The following CERKL variants were observed in gnomAD, a reference collection of about 807,000 sequenced individuals.
CERKL encodes the protein CERK like autophagy regulator.
A neutral mutation model predicts 63.4 loss-of-function variants in CERKL; 61 were observed. The ratio of observed to expected loss-of-function variants is 0.96; its 90% confidence interval spans 0.78 to 1.19. The LOEUF (loss-of-function observed/expected upper bound fraction) is 1.19, where lower values mean the gene tolerates loss of function less well. Among genes scored for constraint, CERKL ranks in the 50% most tolerant of loss-of-function variants. CERKL has a pLI of 0.00. For missense variants in CERKL, 675 were observed against 655.5 expected (o/e 1.03, Z -0.33); for synonymous variants, 250 against 230.5 (o/e 1.08, Z -0.77).
rs1290706382 is a variant in CERKL at position 181,538,079 on chromosome 2, A to G, written c.*105T>C. 7.8e-6 allele frequency: 6 copies of G among 768,424 alleles called. No homozygotes were observed. The highest frequency in any genetic ancestry group is 1.4e-5 in the South Asian group (1 of 69,442). 47.6% of individuals were successfully genotyped at this position (768,424 alleles called of 1,614,324 possible). ...CCCATCCACGGAAAAATTGTCTTCCATGAAACTGGTCCCAAAAAGGGTGGG... is the reference window on the plus strand; with the variant it reads ...CCCATCCACGGAAAAATTGTCTTCCGTGAAACTGGTCCCAAAAAGGGTGGG... On this transcript the variant is annotated 3_prime_UTR_variant, in exon 13 of 13. Transcript: ENST00000410087.
intron 1 of CERKL, among the ~76,000 whole-genome samples, chr2:181,625,482 A>G (rs1686652383): frequency 2.0e-5 from 3 of 152,200 alleles, no homozygotes; most frequent in Admixed American, 2.0e-4. Context: ...GTAGAAGACA[A>G]ATGGTATGCC....
At chr2:181,613,192 A>G (rs759404473) in intron 1 of CERKL, among the ~76,000 whole-genome samples, 8 of 152,180 alleles carry the variant, frequency 5.3e-5, no homozygotes, top group Non-Finnish European at 8.8e-5. Flanking sequence ...GACAACCGCA[A>G]TTGTACTCTC....
At chr2:181,566,616 A>T (rs1295866871) in intron 3 of CERKL, among the ~76,000 whole-genome samples, 1 of 152,180 alleles carries the variant, frequency 6.6e-6, no homozygotes. Context: ...GAAGAGTTGG[A>T]TGTGAAAATA....
rs1303822098 is a variant in CERKL at position 181,565,930 on chromosome 2, C to T, written c.677+128G>A. The T allele has an allele frequency of 1.9e-5, 13 of 671,298 alleles. 1 individual carries two copies. In the South Asian group the frequency reaches 2.4e-4, roughly 12 times the overall value. The allele number at this position is 671,298 out of a possible 1,614,324, so 41.6% of individuals were successfully genotyped here. On this transcript the variant is annotated intron_variant, in intron 4 of 12. Coordinates refer to ENST00000410087, the MANE Select transcript of CERKL (RefSeq NM_201548.5). ...TTAATTATTATTACATAGATATGAA[C>T]AAGATAGAGCCAAAGTACATACACT...
intron 5 of CERKL, among the ~76,000 whole-genome samples, chr2:181,554,164 C>CAA (rs36086391): frequency 7.9e-4 from 74 of 94,168 alleles, no homozygotes; most frequent in South Asian, 1.1e-3. Context: ...ACTATGGAGG[C>CAA]AAAAAAAAAA....
rs1039793113 is a variant in CERKL, at chr2:181,544,651, T to C, written c.1365+49A>G. The C allele has an allele frequency of 7.4e-6, 8 of 1,086,782 alleles. No homozygotes were observed. The African/African-American group carries it at 1.3e-4, about 17-fold the overall frequency. 67.3% of individuals were successfully genotyped at this position (1,086,782 alleles called of 1,614,324 possible). On this transcript the variant is annotated intron_variant, in intron 11 of 12. Transcript: ENST00000410087. ...TGTCAATTCTTGCAGCATCTTTTTC[T>C]ACATGATTAATAGCTTTGCAAATAA...
intron 1 of CERKL, among the ~76,000 whole-genome samples, chr2:181,623,393 C>T (rs1021877337): frequency 4.6e-5 from 7 of 152,174 alleles, no homozygotes; most frequent in Admixed American, 3.3e-4. Flanking sequence ...GCACATGACT[C>T]ATCCATTAAG....
At position 181,608,369 on chromosome 2, in the gene CERKL, C is replaced by G. The variant is rs575619688; in HGVS notation, c.239-4290G>C. Among the ~76,000 whole-genome samples the G allele has an allele frequency of 2.9e-5, 4 of 136,802 alleles. No individual in the cohort carries two copies. The South Asian group carries it at 8.8e-4, about 30-fold the overall frequency. The allele number at this position is 136,802 out of a possible 152,430, so 89.7% of individuals were successfully genotyped here. ...TGTATCACATATAAATTGAGAGTCT[C>G]TTTTTATGTAGTCAAACCTAGAACA... On this transcript the variant is annotated intron_variant, in intron 1 of 12. Coordinates refer to ENST00000410087, the MANE Select transcript of CERKL (RefSeq NM_201548.5).
At chr2:181,608,907 C>T (rs1338578597) in intron 1 of CERKL, among the ~76,000 whole-genome samples, 1 of 151,954 alleles carries the variant, frequency 6.6e-6, no homozygotes, top group Non-Finnish European at 1.5e-5. Context: ...TATGTCTACA[C>T]CCAAGAAGAA....
intron 1 of CERKL, among the ~76,000 whole-genome samples, chr2:181,616,536 A>C (rs1686206315): frequency 6.6e-6 from 1 of 152,186 alleles, no homozygotes; most frequent in African/African-American, 2.4e-5. Context: ...TGAGCTTTAA[A>C]ATACAGACAA....
intron 1 of CERKL, among the ~76,000 whole-genome samples, chr2:181,609,216 A>G (rs889145041): frequency 6.1e-5 from 9 of 148,182 alleles, no homozygotes; most frequent in Admixed American, 5.4e-4. Flanking sequence ...CTAACTCGTC[A>G]TCTAGCATTA....
At chr2:181,637,600 C>T (rs1490637145) in intron 1 of CERKL, among the ~76,000 whole-genome samples, 2 of 151,724 alleles carry the variant, frequency 1.3e-5, no homozygotes, top group African/African-American at 2.4e-5. Flanking sequence ...AAAAGAACAA[C>T]CCAGAGCTTT....
chr2:181,590,000 G>A (rs1157833408), intron 2 of CERKL, among the ~76,000 whole-genome samples: 1 of 149,996 alleles, frequency 6.7e-6, no homozygotes, highest in Non-Finnish European at 1.5e-5. Context: ...TTTCTTTTTT[G>A]GTAGAGAGAG....
chr2:181,645,829 AT>A (rs1316830358), intron 1 of CERKL, among the ~76,000 whole-genome samples: 5 of 152,082 alleles, frequency 3.3e-5, no homozygotes, highest in Non-Finnish European at 4.4e-5. Context: ...TAAATGTGCC[AT>A]TTTTTTTCCT....
chr2:181,604,138 G>GAC, intron 1 of CERKL, 59 bp from the exon 2 acceptor site: 1 of 1,387,042 alleles, frequency 7.2e-7, no homozygotes. Context: ...AGGAACAACA[G>GAC]ACACTGGGGC....
At chr2:181,656,233 G>A (rs1688148290) in intron 1 of CERKL, among the ~76,000 whole-genome samples, 2 of 152,170 alleles carry the variant, frequency 1.3e-5, no homozygotes, top group Admixed American at 1.3e-4. Flanking sequence ...GGCAAGGAAG[G>A]TGAGGGGCAG....
chr2:181,577,703 A>T (rs1684310918), intron 2 of CERKL, among the ~76,000 whole-genome samples: 2 of 152,100 alleles, frequency 1.3e-5, no homozygotes, highest in Non-Finnish European at 2.9e-5. Flanking sequence ...GAGGCATGGG[A>T]GGCCAGGTGA....
intron 1 of CERKL, among the ~76,000 whole-genome samples, chr2:181,648,070 T>G (rs890636513): frequency 6.6e-6 from 1 of 152,078 alleles, no homozygotes; most frequent in Non-Finnish European, 1.5e-5. Flanking sequence ...ATTATAGAAC[T>G]GGCAGATGGA....
intron 4 of CERKL, among the ~76,000 whole-genome samples, chr2:181,561,393 G>A (rs529367382): frequency 5.2e-4 from 76 of 146,144 alleles, no homozygotes; most frequent in African/African-American, 1.9e-3. Flanking sequence ...CTGGGTGACA[G>A]GGTGAGAATT....
Sources: gnomAD v4.1 joint callset for allele counts (sites outside exome capture counted in the v4.1 genomes callset) on GRCh38, gnomAD v4.1.1 for gene constraint, MANE v1.5 for transcripts, NCBI Gene and HGNC (gene_info 2026-07-23, HGNC 2026-07-21) for gene names.